Variants in ACTMAP observed in about 807,000 individuals in gnomAD.
ACTMAP encodes the protein actin maturation protease, also known as UPF0692 protein C19orf54.
chr19:40,745,023 C>G, the ACTMAP span: 4 of 1,345,996 alleles, frequency 3.0e-6, no homozygotes, highest in South Asian at 5.0e-5. Context: ...CCTCCTCCTC[C>G]CAGCAGGGAC....
At chr19:40,745,199 C>CT in the ACTMAP span, 2 of 1,551,792 alleles carry the variant, frequency 1.3e-6, no homozygotes, top group Non-Finnish European at 1.7e-6. Flanking sequence ...ACCTCGGAAC[C>CT]TGAAGCAGAG....
the ACTMAP span, chr19:40,749,853 GA>G: frequency 1.0e-6 from 1 of 973,010 alleles, no homozygotes; most frequent in Non-Finnish European, 1.5e-6. Context: ...GGGAGGGAAG[GA>G]TCCTCCAACG....
the ACTMAP span, chr19:40,744,527 G>GAGAT: frequency 6.2e-7 from 1 of 1,611,242 alleles, no homozygotes; most frequent in Non-Finnish European, 8.5e-7. Flanking sequence ...GCCTCATGAA[G>GAGAT]AGATGATGGA....
the ACTMAP span, among the ~76,000 whole-genome samples, chr19:40,749,287 G>A: frequency 6.6e-6 from 1 of 152,106 alleles, no homozygotes; most frequent in African/African-American, 2.4e-5. Flanking sequence ...CAAAGCACCC[G>A]GACTGGACTG....
At chr19:40,742,422 C>G in the ACTMAP span, 3 of 1,452,882 alleles carry the variant, frequency 2.1e-6, no homozygotes, top group East Asian at 7.5e-5. Flanking sequence ...AGCCTGAGAC[C>G]GCAGCCGCAG....
At chr19:40,741,372 A>G in the ACTMAP span, 1 of 185,926 alleles carries the variant, frequency 5.4e-6, no homozygotes, top group South Asian at 1.3e-4. Flanking sequence ...GAACCTGGGA[A>G]GTGGAGGCTG....
the ACTMAP span, chr19:40,745,122 G>A: frequency 1.2e-5 from 19 of 1,551,764 alleles, no homozygotes; most frequent in Non-Finnish European, 1.7e-5. Context: ...CCGCATCAGG[G>A]CACATACTGA....
At chr19:40,749,112 TCCCGA>T in the ACTMAP span, among the ~76,000 whole-genome samples, 1 of 148,464 alleles carries the variant, frequency 6.7e-6, no homozygotes, top group Admixed American at 6.8e-5. Flanking sequence ...CGCCTCAGCC[TCCCGA>T]GTAGCTGGGA....
At chr19:40,743,708 C>A in the ACTMAP span, among the ~76,000 whole-genome samples, 1 of 152,196 alleles carries the variant, frequency 6.6e-6, no homozygotes, top group Non-Finnish European at 1.5e-5. Context: ...ACGGTCTGAT[C>A]CTGAAATCTG....
the ACTMAP span, among the ~76,000 whole-genome samples, chr19:40,743,679 TGCCAGGCCTGGAGCCCAGACGGTCTG>T: frequency 2.0e-5 from 3 of 152,202 alleles, no homozygotes; most frequent in African/African-American, 4.8e-5. Flanking sequence ...GAAGAGGCTG[TGCCAGGCCTGGAGCCCAGACGGTCTG>T]ATCCTGAAAT....
chr19:40,744,078 G>A, the ACTMAP span: 260 of 1,613,894 alleles, frequency 1.6e-4, 3 homozygotes, highest in Admixed American at 3.5e-3. Flanking sequence ...GGATGAGCAG[G>A]GGATGTCCAG....
chr19:40,742,782 G>T, the ACTMAP span: 1 of 1,598,040 alleles, frequency 6.3e-7, no homozygotes, highest in South Asian at 1.1e-5. Flanking sequence ...TGGGGGAGAG[G>T]AGAAGGTGGT....
At chr19:40,747,127 C>T in the ACTMAP span, among the ~76,000 whole-genome samples, 1 of 151,988 alleles carries the variant, frequency 6.6e-6, no homozygotes, top group Non-Finnish European at 1.5e-5. Flanking sequence ...ATTCCTATTC[C>T]AAGGCTGGTA....
At chr19:40,746,622 G>A in the ACTMAP span, among the ~76,000 whole-genome samples, 311 of 152,232 alleles carry the variant, frequency 2.0e-3, 1 homozygote, top group African/African-American at 7.0e-3. Context: ...TGATTTGCCC[G>A]CCTCAGCCTA....
At chr19:40,749,785 G>T in the ACTMAP span, 1 of 1,459,824 alleles carries the variant, frequency 6.9e-7, no homozygotes, top group Admixed American at 2.9e-5. Flanking sequence ...TTTAGGGGAG[G>T]AGAGCATGGA....
At chr19:40,747,404 G>C in the ACTMAP span, among the ~76,000 whole-genome samples, 1 of 151,948 alleles carries the variant, frequency 6.6e-6, no homozygotes, top group Non-Finnish European at 1.5e-5. Context: ...CAGGCGTGGT[G>C]GTGGGCACCT....
chr19:40,743,932 G>T, the ACTMAP span: 1 of 1,614,024 alleles, frequency 6.2e-7, no homozygotes, highest in South Asian at 1.1e-5. Context: ...TGTGCCTTGT[G>T]GCCCTTCCTC....
At chr19:40,744,508 C>A in the ACTMAP span, 1 of 1,604,444 alleles carries the variant, frequency 6.2e-7, no homozygotes, top group Non-Finnish European at 8.5e-7. Flanking sequence ...CCCAGCCTCT[C>A]TGGTCCCAGC....
chr19:40,744,927 G>A, the ACTMAP span: 2 of 797,422 alleles, frequency 2.5e-6, no homozygotes, highest in Non-Finnish European at 2.0e-6. Flanking sequence ...GATGGACCAG[G>A]CTCATTCGTT....
Sources: allele counts gnomAD v4.1 joint callset (sites outside exome capture counted in the v4.1 genomes callset), GRCh38; gene constraint gnomAD v4.1.1; transcripts MANE v1.5; gene names NCBI Gene and HGNC (gene_info 2026-07-23, HGNC 2026-07-21).